The following DAB1 variants were observed in gnomAD, a reference collection of about 807,000 sequenced individuals.
DAB1 encodes DAB adaptor protein 1.
In DAB1, 15 loss-of-function variants were observed where a neutral mutation model predicts 64.6. The ratio of observed to expected loss-of-function variants is 0.23; its 90% CI spans 0.16 to 0.36. The LOEUF is 0.36. Among genes scored for constraint, DAB1 ranks in the 10% least tolerant of loss-of-function variants. DAB1 has a pLI of 1.00. For synonymous variants in DAB1, 235 were observed against 251.9 expected (o/e 0.93, Z 0.64); for missense variants, 596 against 706.7 (o/e 0.84, Z 1.78).
intron 5 of DAB1, among the ~76,000 whole-genome samples, chr1:58,139,892 G>T (rs959111375): frequency 1.3e-5 from 2 of 152,152 alleles, no homozygotes; most frequent in African/African-American, 4.8e-5. Context: ...CAGGCCACAG[G>T]AGGTGCTCAA....
Position 57,148,833 on chromosome 1 carries a change from T to TTTA in DAB1, c.68-3405_68-3404insTAA, listed in dbSNP as rs1659392718. Among the ~76,000 whole-genome samples, 3 of 152,356 alleles carry TTTA rather than the reference T, an allele frequency of 2.0e-5. No individual in the cohort carries two copies. The South Asian group carries it at 6.2e-4, about 32-fold the overall frequency. On this transcript the variant is annotated intron_variant, in intron 2 of 14. Transcript: ENST00000371236. ...CCACAGCATAACCTGAATGTTTAAATAACAGCTATATTGAGATACAACTCA... is the reference window on the plus strand; with the variant it reads ...CCACAGCATAACCTGAATGTTTAAATTTAAACAGCTATATTGAGATACAACTCA...
intron 7 of DAB1, among the ~76,000 whole-genome samples, chr1:57,471,675 C>G (rs553764531): frequency 6.6e-6 from 1 of 152,192 alleles, no homozygotes; most frequent in Admixed American, 6.5e-5. Flanking sequence ...GTAAGACATA[C>G]CTTTCACCTT....
intron 4 of DAB1, among the ~76,000 whole-genome samples, chr1:58,184,566 A>G (rs1053672706): frequency 1.3e-5 from 2 of 152,156 alleles, no homozygotes; most frequent in African/African-American, 4.8e-5. Context: ...TACTTAGTAC[A>G]AACCACTTGA....
chr1:57,112,375 G>A (rs886472954), intron 4 of DAB1, among the ~76,000 whole-genome samples: 2 of 152,158 alleles, frequency 1.3e-5, no homozygotes, highest in Non-Finnish European at 2.9e-5. Context: ...TTCCACAATG[G>A]TCTTCTGTTC....
At chr1:58,529,701 T>A (rs114886410) in intron 1 of DAB1, among the ~76,000 whole-genome samples, 1 of 152,282 alleles carries the variant, frequency 6.6e-6, no homozygotes, top group Non-Finnish European at 1.5e-5. Flanking sequence ...ACCTGGTAGA[T>A]TCAACCAATT....
intron 4 of DAB1, among the ~76,000 whole-genome samples, chr1:57,074,119 C>T (rs1013173602): frequency 6.6e-6 from 1 of 152,162 alleles, no homozygotes; most frequent in African/African-American, 2.4e-5. Flanking sequence ...ATCCACCTGC[C>T]TTGGCCTCCC....
At chr1:57,275,663 C>G (rs866511807) in intron 2 of DAB1, among the ~76,000 whole-genome samples, 8 of 152,282 alleles carry the variant, frequency 5.3e-5, no homozygotes, top group South Asian at 4.1e-4. Context: ...AAGATCTGAA[C>G]AGCAAAGCAC....
At position 57,756,022 on chromosome 1, in the gene DAB1, C is replaced by G. The variant is rs149236283; in HGVS notation, n.552-106357G>C. On this transcript the variant is annotated intron_variant and non_coding_transcript_variant, in intron 6 of 20. Coordinates refer to the DAB1 transcript ENST00000485760. Reference sequence around the variant, plus strand: ...TTTCGGAAAGAATATATTGCTCGTTCCTGTACTTACTCTGCAACTGGCAAC... The same window carrying G: ...TTTCGGAAAGAATATATTGCTCGTTGCTGTACTTACTCTGCAACTGGCAAC... Among the ~76,000 whole-genome samples, 690 of 150,794 alleles carry G rather than the reference C, an allele frequency of 4.6e-3. 7 individuals carry two copies. Among genetic ancestry groups the G allele is most frequent in the African/African-American group, 0.016 (658 of 41,366 alleles).
chr1:57,073,533 A>G (rs1651703980), intron 4 of DAB1, among the ~76,000 whole-genome samples: 1 of 152,198 alleles, frequency 6.6e-6, no homozygotes, highest in Non-Finnish European at 1.5e-5. Context: ...AGTACTCTGT[A>G]AAGGCTTATA....
chr1:57,890,160 G>A (rs1644289567), intron 5 of DAB1, among the ~76,000 whole-genome samples: 1 of 152,258 alleles, frequency 6.6e-6, no homozygotes, highest in South Asian at 2.1e-4. Flanking sequence ...AGTGATTGGA[G>A]TTAGGGGACT....
At chr1:58,337,630 G>A (rs145419619) in intron 4 of DAB1, among the ~76,000 whole-genome samples, 264 of 152,268 alleles carry the variant, frequency 1.7e-3, no homozygotes, top group African/African-American at 5.7e-3. Flanking sequence ...ATAACAGTTT[G>A]AGGGAGGATC....
At chr1:57,067,313 A>G (rs76825696) in intron 8 of DAB1, among the ~76,000 whole-genome samples, 3,206 of 152,188 alleles carry the variant, frequency 0.021, 123 homozygotes, top group African/African-American at 0.073. Flanking sequence ...GAATCAGGGG[A>G]TTCTGAGCTG....
At chr1:58,341,400 C>A (rs1643932406) in intron 4 of DAB1, among the ~76,000 whole-genome samples, 1 of 152,134 alleles carries the variant, frequency 6.6e-6, no homozygotes, top group Admixed American at 6.6e-5. Flanking sequence ...TCTTGATTCC[C>A]AGTTTCATGC....
intron 2 of DAB1, among the ~76,000 whole-genome samples, chr1:57,232,407 T>C (rs1667750975): frequency 6.6e-6 from 1 of 151,930 alleles, no homozygotes; most frequent in Admixed American, 6.6e-5. Flanking sequence ...CAATCAGTCA[T>C]TTATTCAACA....
At chr1:57,016,555 C>T (rs1269013978) in intron 11 of DAB1, among the ~76,000 whole-genome samples, 1 of 151,372 alleles carries the variant, frequency 6.6e-6, no homozygotes, top group Non-Finnish European at 1.5e-5. Context: ...CACCCTACTG[C>T]ACTTCAGCCT....
chr1:57,515,755 C>G (rs780800746), intron 7 of DAB1, among the ~76,000 whole-genome samples: 1 of 152,208 alleles, frequency 6.6e-6, no homozygotes, highest in Admixed American at 6.5e-5. Context: ...TTGTGCCAAG[C>G]CTTGAGCCAA....
chr1:57,572,794 C>T (rs1570639470), intron 7 of DAB1, among the ~76,000 whole-genome samples: 2 of 152,162 alleles, frequency 1.3e-5, no homozygotes, highest in East Asian at 3.9e-4. Flanking sequence ...TCTAGGGAGG[C>T]CTCAGGAGGC....
chr1:57,729,872 G>T (rs564240772), intron 6 of DAB1, among the ~76,000 whole-genome samples: 4 of 152,202 alleles, frequency 2.6e-5, no homozygotes, highest in African/African-American at 9.6e-5. Context: ...ATCAGCCTGG[G>T]CACCATAGTG....
At chr1:57,813,066 T>G (rs190699466) in intron 6 of DAB1, among the ~76,000 whole-genome samples, 1 of 152,328 alleles carries the variant, frequency 6.6e-6, no homozygotes, top group Admixed American at 6.5e-5. Context: ...CACTTAAACA[T>G]ACGTATGTAT....
Sources: gnomAD v4.1 joint callset for allele counts (sites outside exome capture counted in the v4.1 genomes callset) on GRCh38, gnomAD v4.1.1 for gene constraint, MANE v1.5 for transcripts, NCBI Gene and HGNC (gene_info 2026-07-23, HGNC 2026-07-21) for gene names.